Variants in CD302 observed in about 807,000 individuals in gnomAD.
The protein encoded by CD302 is CD302 antigen.
In CD302, 23 loss-of-function variants were observed where a neutral mutation model predicts 26.5. The ratio of observed to expected loss-of-function variants is 0.87; its 90% confidence interval spans 0.62 to 1.23. The LOEUF is 1.23. Among genes scored for constraint, CD302 ranks in the 50% most tolerant of loss-of-function variants. The probability of loss-of-function intolerance (pLI) is 0.00; values close to 1 mark genes in which losing one functional copy is unlikely to be tolerated. For synonymous variants in CD302, 90 were observed against 99.4 expected (o/e 0.91, Z 0.56); for missense variants, 290 against 275.5 (o/e 1.05, Z -0.37).
chr2:159,782,933 G>T (rs1708561055), intron 2 of CD302, among the ~76,000 whole-genome samples: 2 of 152,126 alleles, frequency 1.3e-5, no homozygotes, highest in African/African-American at 2.4e-5. Flanking sequence ...AGAACTCTAA[G>T]CCTAAAATCC....
chr2:159,795,897 C>T (rs1439380952), intron 1 of CD302, among the ~76,000 whole-genome samples: 1 of 152,224 alleles, frequency 6.6e-6, no homozygotes, highest in African/African-American at 2.4e-5. Flanking sequence ...GTTCACTCAG[C>T]TCATGCCAGG....
chr2:159,770,790 C>A lies in CD302; in HGVS notation c.*1061G>T, dbSNP rs1020831470. Reference sequence around the variant, plus strand: ...TCTACCATCTGGGTTTGTGTAAATACAAGCTGATTTTCACACAAGATTCCC... The same window carrying A: ...TCTACCATCTGGGTTTGTGTAAATAAAAGCTGATTTTCACACAAGATTCCC... On this transcript the variant is annotated 3_prime_UTR_variant, in exon 6 of 6. Coordinates refer to ENST00000259053, the MANE Select transcript of CD302 (RefSeq NM_014880.5). 1 of 152,130 alleles carries A rather than the reference C, an allele frequency of 6.6e-6. No individual in the cohort carries two copies. The highest frequency in any genetic ancestry group is 2.4e-5 in the African/African-American group (1 of 41,440). The allele number at this position is 152,130 out of a possible 1,614,324, so 9.4% of individuals were successfully genotyped here. A position where few individuals can be genotyped will look rare whatever the true frequency, so the allele number is the denominator to read the frequency against.
At chr2:159,783,677 G>A (rs895395687) in intron 1 of CD302, among the ~76,000 whole-genome samples, 3 of 152,132 alleles carry the variant, frequency 2.0e-5, no homozygotes, top group African/African-American at 7.2e-5. Context: ...ATGTGCCAAT[G>A]ATTCTCTTCT....
intron 1 of CD302, among the ~76,000 whole-genome samples, chr2:159,794,308 A>AATAATAAT (rs1370125665): frequency 1.4e-5 from 2 of 139,368 alleles, no homozygotes; most frequent in Non-Finnish European, 3.2e-5. Flanking sequence ...AAAATAATAA[A>AATAATAAT]AAAAAAAACA....
At position 159,785,633 on chromosome 2, in the gene CD302, A is replaced by G. The variant is rs961681561; in HGVS notation, c.68-2164T>C. ...GTAGATCCTTTCCCTGAGAAACAGC[A>G]CTCAGTCGTCTCAGGTTCATTATAC... On this transcript the variant is annotated intron_variant, in intron 1 of 5. Coordinates refer to ENST00000259053, the MANE Select transcript of CD302 (RefSeq NM_014880.5). Among the ~76,000 whole-genome samples the G allele has an allele frequency of 5.3e-5, 8 of 152,126 alleles. 1 individual carries two copies. Among genetic ancestry groups the G allele is most frequent in the Non-Finnish European group, 8.8e-5 (6 of 68,024 alleles).
chr2:159,774,891 G>A (rs529865626), intron 5 of CD302, among the ~76,000 whole-genome samples: 5 of 152,260 alleles, frequency 3.3e-5, no homozygotes, highest in African/African-American at 1.2e-4. Context: ...TTGTTTCCTT[G>A]CTGCTTCAAC....
chr2:159,791,575 G>A (rs907240852), intron 1 of CD302, among the ~76,000 whole-genome samples: 1 of 152,164 alleles, frequency 6.6e-6, no homozygotes, highest in African/African-American at 2.4e-5. Context: ...CGCCACGACA[G>A]CAGAGACCAT....
At chr2:159,787,515 AAT>A (rs766657788) in intron 1 of CD302, among the ~76,000 whole-genome samples, 9 of 152,214 alleles carry the variant, frequency 5.9e-5, no homozygotes, top group Middle Eastern at 3.4e-3. Context: ...TGAAAATTAT[AAT>A]ATGTGACCTT....
intron 1 of CD302, among the ~76,000 whole-genome samples, chr2:159,797,491 G>C (rs1349381485): frequency 6.6e-6 from 1 of 152,182 alleles, no homozygotes; most frequent in East Asian, 1.9e-4. Flanking sequence ...TCACGTGTGT[G>C]ATTTTTCAGA....
intron 1 of CD302, among the ~76,000 whole-genome samples, chr2:159,787,076 T>C (rs1203564432): frequency 6.6e-6 from 1 of 152,238 alleles, no homozygotes. Flanking sequence ...TTGATGAATA[T>C]TTGGGTAGTT....
Position 159,769,002 on chromosome 2 carries a change from C to G in CD302, c.*2849G>C, listed in dbSNP as rs1039167749. 6.6e-6 allele frequency: 1 copy of G among 152,052 alleles called. No individual in the cohort carries two copies. Among genetic ancestry groups the G allele is most frequent in the African/African-American group, 2.4e-5 (1 of 41,400 alleles). The allele number at this position is 152,052 out of a possible 1,614,324, so 9.4% of individuals were successfully genotyped here. A position where few individuals can be genotyped will look rare whatever the true frequency, so the allele number is the denominator to read the frequency against. ...AGCTTTACAGTATTCTTGTAGTTCCCTAGTACCACTTAGTATTTAAATATT... is the reference window on the plus strand; with the variant it reads ...AGCTTTACAGTATTCTTGTAGTTCCGTAGTACCACTTAGTATTTAAATATT... On this transcript the variant is annotated 3_prime_UTR_variant, in exon 6 of 6. Coordinates refer to ENST00000259053, the MANE Select transcript of CD302 (RefSeq NM_014880.5).
At chr2:159,793,379 A>G (rs749539426) in intron 1 of CD302, among the ~76,000 whole-genome samples, 8 of 152,166 alleles carry the variant, frequency 5.3e-5, no homozygotes, top group Non-Finnish European at 1.2e-4. Flanking sequence ...TTACCAGTCA[A>G]ATCTAATAGA....
intron 5 of CD302, among the ~76,000 whole-genome samples, chr2:159,776,750 G>A (rs1038374320): frequency 6.9e-6 from 1 of 144,364 alleles, no homozygotes; most frequent in African/African-American, 2.6e-5. Flanking sequence ...TGTCGCCGAG[G>A]CTGGAGGGCA....
intron 2 of CD302, 99 bp from the exon 3 acceptor site, chr2:159,781,097 T>C: frequency 2.1e-6 from 2 of 939,294 alleles, no homozygotes; most frequent in East Asian, 2.6e-5. Context: ...ACTTTCTATA[T>C]ATATTAGAGC....
At chr2:159,789,300 C>A (rs1207311550) in intron 1 of CD302, among the ~76,000 whole-genome samples, 1 of 151,928 alleles carries the variant, frequency 6.6e-6, no homozygotes, top group African/African-American at 2.4e-5. Flanking sequence ...CTGTGCCCAG[C>A]CTACTTCAGT....
intron 1 of CD302, among the ~76,000 whole-genome samples, chr2:159,791,696 T>G (rs1708811939): frequency 6.6e-6 from 1 of 152,206 alleles, no homozygotes; most frequent in Non-Finnish European, 1.5e-5. Context: ...CCCATTAGAC[T>G]GTGGAGAAAA....
At chr2:159,783,209 C>T in intron 2 of CD302, 150 bp downstream of exon 2, 2 of 591,202 alleles carry the variant, frequency 3.4e-6, no homozygotes, top group Admixed American at 3.6e-5. Context: ...ATTCCACTGC[C>T]TGTAGCTTGT....
chr2:159,768,727 T>C lies in CD302; in HGVS notation c.*3124A>G, dbSNP rs1341481467. The C allele has an allele frequency of 6.6e-6, 1 of 152,492 alleles. No homozygotes were observed. Among genetic ancestry groups the C allele is most frequent in the African/African-American group, 2.4e-5 (1 of 41,448 alleles). The allele number at this position is 152,492 out of a possible 1,614,324, so 9.4% of individuals were successfully genotyped here. Reference sequence around the variant, plus strand: ...CACCTCTTGCCAGTTACCTTTGCATTGTCTGTCTTAAAGCAAAAATATAAA... The same window carrying C: ...CACCTCTTGCCAGTTACCTTTGCATCGTCTGTCTTAAAGCAAAAATATAAA... On this transcript the variant is annotated 3_prime_UTR_variant, in exon 6 of 6. Coordinates refer to ENST00000259053, the MANE Select transcript of CD302 (RefSeq NM_014880.5).
At chr2:159,781,657 G>C (rs1034161211) in intron 2 of CD302, 3 of 151,758 alleles carry the variant, frequency 2.0e-5, no homozygotes, top group African/African-American at 7.3e-5. Context: ...AATAGTTGCA[G>C]GGGAAAACTT....
Sources: allele counts gnomAD v4.1 joint callset (sites outside exome capture counted in the v4.1 genomes callset), GRCh38; gene constraint gnomAD v4.1.1; transcripts MANE v1.5; gene names NCBI Gene and HGNC (gene_info 2026-07-23, HGNC 2026-07-21).